The following PLCB1 variants were observed in gnomAD, a reference collection of about 807,000 sequenced individuals.
PLCB1 encodes the protein phospholipase C beta 1, also known as 1-phosphatidylinositol 4,5-bisphosphate phosphodiesterase beta-1.
A neutral mutation model predicts 161.8 loss-of-function variants in PLCB1; 46 were observed. The observed-to-expected ratio is 0.28, with a 90% confidence interval of 0.22 to 0.36. PLCB1 has a LOEUF of 0.36. Ranked by LOEUF, PLCB1 falls within the 10% of genes least tolerant of loss-of-function variation. PLCB1 has a pLI of 1.00. For synonymous variants in PLCB1, 517 were observed against 503.7 expected, an observed-to-expected ratio of 1.03 and a Z score of -0.35; for missense variants, 1,016 against 1,472.5, an observed-to-expected ratio of 0.69 and a Z score of 5.07.
intron 2 of PLCB1, among the ~76,000 whole-genome samples, chr20:8,329,467 A>G (rs7343524): frequency 0.1 from 15,918 of 151,884 alleles, 1,667 homozygotes; most frequent in African/African-American, 0.27. Flanking sequence ...ACTTGTTTTT[A>G]TCCACCACAT....
At chr20:8,877,281 T>G (rs1296037652) in intron 31 of PLCB1, among the ~76,000 whole-genome samples, 1 of 152,174 alleles carries the variant, frequency 6.6e-6, no homozygotes, top group Non-Finnish European at 1.5e-5. Context: ...GAATCTAAAC[T>G]GGAATTCCAC....
At chr20:8,154,852 G>A (rs2051543367) in intron 2 of PLCB1, among the ~76,000 whole-genome samples, 1 of 152,110 alleles carries the variant, frequency 6.6e-6, no homozygotes, top group Admixed American at 6.5e-5. Flanking sequence ...TCTGTGGTTT[G>A]TCTTTGACTT....
intron 2 of PLCB1, among the ~76,000 whole-genome samples, chr20:8,320,683 C>T (rs1353806453): frequency 6.6e-6 from 1 of 152,142 alleles, no homozygotes; most frequent in Non-Finnish European, 1.5e-5. Context: ...TTTGTCTTGA[C>T]AAAGTCATTT....
At chr20:8,292,878 T>G (rs1983450630) in intron 2 of PLCB1, among the ~76,000 whole-genome samples, 1 of 152,202 alleles carries the variant, frequency 6.6e-6, no homozygotes, top group Admixed American at 6.6e-5. Context: ...CCTTGGACAA[T>G]GTCTGGGTTT....
chr20:8,212,303 C>T (rs1285655762), intron 2 of PLCB1, among the ~76,000 whole-genome samples: 1 of 152,110 alleles, frequency 6.6e-6, no homozygotes, highest in African/African-American at 2.4e-5. Context: ...TTTCCTAAGT[C>T]TAGAACAGCA....
At chr20:8,403,545 G>A (rs1386432192) in intron 3 of PLCB1, among the ~76,000 whole-genome samples, 4 of 152,188 alleles carry the variant, frequency 2.6e-5, no homozygotes, top group Non-Finnish European at 4.4e-5. Flanking sequence ...GCAGGAAGAT[G>A]GGCAAGGCTT....
intron 3 of PLCB1, among the ~76,000 whole-genome samples, chr20:8,385,025 C>T (rs2122403968): frequency 6.6e-6 from 1 of 152,222 alleles, no homozygotes; most frequent in Admixed American, 6.5e-5. Context: ...GGGAACAGGA[C>T]CCATTTAATG....
intron 3 of PLCB1, among the ~76,000 whole-genome samples, chr20:8,495,615 T>C (rs144419503): frequency 0.011 from 1,722 of 152,056 alleles, 32 homozygotes; most frequent in African/African-American, 0.038. Flanking sequence ...GCCAAGATAG[T>C]CTGGATCTCC....
intron 3 of PLCB1, among the ~76,000 whole-genome samples, chr20:8,408,331 G>A (rs1053967452): frequency 3.3e-5 from 5 of 151,878 alleles, no homozygotes; most frequent in East Asian, 1.9e-4. Context: ...GAAGATTACC[G>A]GGGGCCAGGA....
intron 3 of PLCB1, among the ~76,000 whole-genome samples, chr20:8,600,405 G>A (rs916678378): frequency 2.0e-4 from 27 of 138,286 alleles, no homozygotes; most frequent in Non-Finnish European, 3.8e-4. Flanking sequence ...TCCCAGTTAG[G>A]CTGCTCGGGG....
At chr20:8,355,372 T>A (rs1986331349) in intron 2 of PLCB1, among the ~76,000 whole-genome samples, 1 of 152,138 alleles carries the variant, frequency 6.6e-6, no homozygotes. Flanking sequence ...TGTGGGTGTT[T>A]TTGATATAAG....
intron 3 of PLCB1, among the ~76,000 whole-genome samples, chr20:8,393,000 A>G (rs1987657262): frequency 6.6e-6 from 1 of 152,162 alleles, no homozygotes; most frequent in African/African-American, 2.4e-5. Context: ...TCCTGAAATT[A>G]ATGTCCATAG....
At chr20:8,840,636 G>C (rs781714789) in intron 31 of PLCB1, among the ~76,000 whole-genome samples, 13 of 152,190 alleles carry the variant, frequency 8.5e-5, no homozygotes, top group South Asian at 4.2e-4. Flanking sequence ...TCCTTTTGGA[G>C]GCAATATCTT....
intron 3 of PLCB1, among the ~76,000 whole-genome samples, chr20:8,577,723 T>C (rs1986719860): frequency 6.6e-6 from 1 of 152,148 alleles, no homozygotes; most frequent in South Asian, 2.1e-4. Context: ...CCATGGGCAA[T>C]AAACCATGCC....
chr20:8,620,557 T>C (rs1034865532), intron 3 of PLCB1, among the ~76,000 whole-genome samples: 6 of 151,566 alleles, frequency 4.0e-5, no homozygotes, highest in African/African-American at 7.3e-5. Context: ...CTGGCCAACA[T>C]AGCAAAAACT....
chr20:8,140,739 C>A (rs1421705400), intron 1 of PLCB1, among the ~76,000 whole-genome samples: 1 of 152,108 alleles, frequency 6.6e-6, no homozygotes, highest in Non-Finnish European at 1.5e-5. Context: ...TTCCAGTCTA[C>A]CATGATGTCC....
intron 27 of PLCB1, among the ~76,000 whole-genome samples, chr20:8,782,729 A>C (rs1271019111): frequency 6.6e-6 from 1 of 152,196 alleles, no homozygotes; most frequent in African/African-American, 2.4e-5. Context: ...TTCTTGTAGA[A>C]GAAAAACAAT....
At chr20:8,469,873 A>G (rs1233314945) in intron 3 of PLCB1, among the ~76,000 whole-genome samples, 1 of 152,140 alleles carries the variant, frequency 6.6e-6, no homozygotes, top group Non-Finnish European at 1.5e-5. Flanking sequence ...CTACAATGTA[A>G]TTTTAGAACA....
chr20:8,756,167 C>T (rs1203448829), intron 23 of PLCB1, among the ~76,000 whole-genome samples: 1 of 152,126 alleles, frequency 6.6e-6, no homozygotes, highest in Non-Finnish European at 1.5e-5. Context: ...TATTTAACAT[C>T]CACATATTTA....
Sources: gnomAD v4.1 joint callset for allele counts (sites outside exome capture counted in the v4.1 genomes callset) on GRCh38, gnomAD v4.1.1 for gene constraint, MANE v1.5 for transcripts, NCBI Gene and HGNC (gene_info 2026-07-23, HGNC 2026-07-21) for gene names.